Variants in FERMT1 observed in about 807,000 individuals in gnomAD.
FERMT1 encodes the protein FERM domain containing kindlin 1, also known as fermitin family homolog 1.
Under a neutral mutation model 85.3 loss-of-function variants are expected in FERMT1, and 60 were observed. That is an observed-to-expected ratio of 0.70 (90% CI 0.57 to 0.87). The LOEUF (loss-of-function observed/expected upper bound fraction) is 0.87, where lower values mean the gene tolerates loss of function less well. FERMT1 is among the 40% of genes least tolerant of loss of function. The pLI is 0.00. For missense variants in FERMT1, 701 were observed against 818.9 expected (o/e 0.86, Z 1.76); for synonymous variants, 275 against 301.1 (o/e 0.91, Z 0.90).
intron 9 of FERMT1, among the ~76,000 whole-genome samples, chr20:6,089,506 C>T (rs1382333552): frequency 1.3e-5 from 2 of 152,112 alleles, no homozygotes; most frequent in South Asian, 2.1e-4. Flanking sequence ...TGTGAGGAAC[C>T]GACATGAATC....
chr20:6,084,187 C>A (rs7273304), intron 12 of FERMT1, 23 bp from the exon 13 acceptor site: 7 of 1,603,012 alleles, frequency 4.4e-6, no homozygotes, highest in Non-Finnish European at 6.0e-6. Flanking sequence ...AGACATCAAC[C>A]TCTCTTCACA....
chr20:6,103,767 G>GTTT (rs66482243), intron 6 of FERMT1, among the ~76,000 whole-genome samples: 15 of 102,040 alleles, frequency 1.5e-4, no homozygotes, highest in Middle Eastern at 6.3e-3. Flanking sequence ...CTTTGTTATA[G>GTTT]TTTTTTTTTT....
intron 2 of FERMT1, among the ~76,000 whole-genome samples, chr20:6,117,501 T>G (rs1351960903): frequency 6.6e-6 from 1 of 151,666 alleles, no homozygotes; most frequent in Non-Finnish European, 1.5e-5. Flanking sequence ...TGGTGTAATC[T>G]CAGCTCACTG....
intron 6 of FERMT1, among the ~76,000 whole-genome samples, chr20:6,101,548 G>C (rs1441081523): frequency 1.3e-5 from 2 of 152,178 alleles, no homozygotes; most frequent in East Asian, 3.8e-4. Context: ...AAGTCTGCAA[G>C]GATGGTTGGT....
intron 6 of FERMT1, among the ~76,000 whole-genome samples, chr20:6,105,076 G>T (rs1371608907): frequency 6.6e-6 from 1 of 152,144 alleles, no homozygotes; most frequent in African/African-American, 2.4e-5. Flanking sequence ...GACTCACAGC[G>T]TGTGGGGTGA....
chr20:6,085,676 C>T (rs1222067055), intron 11 of FERMT1, among the ~76,000 whole-genome samples: 2 of 151,974 alleles, frequency 1.3e-5, no homozygotes, highest in African/African-American at 4.8e-5. Flanking sequence ...ATGGTGAAAC[C>T]CTGTGTCTAC....
At chr20:6,117,617 A>T (rs1983138935) in intron 2 of FERMT1, among the ~76,000 whole-genome samples, 1 of 152,176 alleles carries the variant, frequency 6.6e-6, no homozygotes, top group South Asian at 2.1e-4. Context: ...TATTTTTTGT[A>T]GAGACGTGGT....
At chr20:6,113,089 T>C (rs1301551392) in intron 3 of FERMT1, among the ~76,000 whole-genome samples, 1 of 152,122 alleles carries the variant, frequency 6.6e-6, no homozygotes, top group Non-Finnish European at 1.5e-5. Context: ...TGGGAGGTAA[T>C]TGAATCATGG....
chr20:6,119,268 T>A (rs996248101), intron 2 of FERMT1, 136 bp downstream of exon 2: 32 of 936,828 alleles, frequency 3.4e-5, no homozygotes, highest in Non-Finnish European at 5.0e-5. Flanking sequence ...CTTTCTCTCC[T>A]CTGGGATGAG....
At position 6,115,268 on chromosome 20, in the gene FERMT1, C is replaced by T. The variant is rs137877429; in HGVS notation, c.385+543G>A. On this transcript the variant is annotated intron_variant, in intron 3 of 14. Transcript: ENST00000217289. ...ATTGGTTTGGGTAGTGTTGTCTTTA[C>T]GACTGTTAAATTATAGGATACCAAA... is the stretch of plus-strand genomic sequence containing the variant. Among the ~76,000 whole-genome samples, 754 of 152,154 alleles carry T rather than the reference C, an allele frequency of 5.0e-3. 7 individuals are homozygous for T. Among genetic ancestry groups the T allele is most frequent in the African/African-American group, 0.017 (710 of 41,502 alleles).
chr20:6,089,936 G>A (rs3789333), intron 9 of FERMT1, among the ~76,000 whole-genome samples: 14,738 of 152,188 alleles, frequency 0.097, 1,230 homozygotes, highest in East Asian at 0.46. Context: ...ATTAGTATGC[G>A]GTTTGTGGAA....
rs953832572 is a variant in FERMT1, at chr20:6,077,056, G to A, written c.*117C>T. 1.4e-5 allele frequency: 14 copies of A among 1,021,986 alleles called. No individual in the cohort carries two copies. In the African/African-American group the frequency reaches 1.9e-4, roughly 14 times the overall value. The allele number at this position is 1,021,986 out of a possible 1,614,324, so 63.3% of individuals were successfully genotyped here. A position where few individuals can be genotyped will look rare whatever the true frequency, so the allele number is the denominator to read the frequency against. On this transcript the variant is annotated 3_prime_UTR_variant, in exon 15 of 15. Coordinates refer to ENST00000217289, the MANE Select transcript of FERMT1 (RefSeq NM_017671.5). ...TTGAATGAGGATCTGGGTGACCAGC[G>A]GTGAATGTATGTTGTCTGTTAGTCC... is the stretch of plus-strand genomic sequence containing the variant.
chr20:6,079,378 A>T, intron 14 of FERMT1, 58 bp downstream of exon 14: 1 of 1,577,768 alleles, frequency 6.3e-7, no homozygotes, highest in Non-Finnish European at 8.7e-7. Context: ...ATAATCTGCA[A>T]TTCTGAGGGA....
intron 6 of FERMT1, among the ~76,000 whole-genome samples, chr20:6,101,332 C>T (rs1036558219): frequency 6.6e-6 from 1 of 152,148 alleles, no homozygotes; most frequent in Non-Finnish European, 1.5e-5. Flanking sequence ...TCCTGATAAA[C>T]TACAGTTTAT....
At chr20:6,078,069 G>T (rs1191052563) in intron 14 of FERMT1, among the ~76,000 whole-genome samples, 1 of 152,140 alleles carries the variant, frequency 6.6e-6, no homozygotes, top group Non-Finnish European at 1.5e-5. Context: ...TAAACTCTAA[G>T]CACTAGAAGA....
chr20:6,083,327 T>C (rs1982052354), intron 13 of FERMT1, among the ~76,000 whole-genome samples: 1 of 152,140 alleles, frequency 6.6e-6, no homozygotes, highest in African/African-American at 2.4e-5. Flanking sequence ...GACAAGTCAC[T>C]TAAGCTGTCT....
At chr20:6,111,003 C>G (rs1219787329) in intron 4 of FERMT1, among the ~76,000 whole-genome samples, 1 of 152,170 alleles carries the variant, frequency 6.6e-6, no homozygotes, top group Non-Finnish European at 1.5e-5. Context: ...GTGGTGTGAT[C>G]CTGGCTCACT....
chr20:6,119,590 A>C lies in FERMT1; in HGVS notation c.-18-18T>G. ...GCTGGTGTCTGCTGAACAAAAAGGC[A>C]GACATAGATTGGAATGTGGGAAGGA... is the stretch of plus-strand genomic sequence containing the variant. On this transcript the variant is annotated intron_variant, in intron 1 of 14. Coordinates refer to ENST00000217289, the MANE Select transcript of FERMT1 (RefSeq NM_017671.5). The C allele has an allele frequency of 6.2e-7, 1 of 1,604,632 alleles. No individual in the cohort carries two copies. Among genetic ancestry groups the C allele is most frequent in the Non-Finnish European group, 8.5e-7 (1 of 1,174,104 alleles).
chr20:6,102,113 G>A (rs1201370927), intron 6 of FERMT1, among the ~76,000 whole-genome samples: 2 of 149,812 alleles, frequency 1.3e-5, no homozygotes, highest in Middle Eastern at 3.5e-3. Context: ...CTGCAGCCTC[G>A]AACTCCTGGG....
Sources: gnomAD v4.1 joint callset for allele counts (sites outside exome capture counted in the v4.1 genomes callset) on GRCh38, gnomAD v4.1.1 for gene constraint, MANE v1.5 for transcripts, NCBI Gene and HGNC (gene_info 2026-07-23, HGNC 2026-07-21) for gene names.